Variants in CHIC1 observed in about 807,000 individuals in gnomAD.
The protein encoded by CHIC1 is cysteine-rich hydrophobic domain-containing protein 1.
In CHIC1, 7 loss-of-function variants were observed where a neutral mutation model predicts 18.5. The ratio of observed to expected loss-of-function variants is 0.38; its 90% CI spans 0.22 to 0.71. The LOEUF (loss-of-function observed/expected upper bound fraction) is 0.71. Among genes scored for constraint, CHIC1 ranks in the 30% least tolerant of loss-of-function variants. The pLI is 0.49. For synonymous variants in CHIC1, 77 were observed against 73.5 expected, an observed-to-expected ratio of 1.05 and a Z score of -0.25; for missense variants, 159 against 176.9, an observed-to-expected ratio of 0.90 and a Z score of 0.57.
intron 3 of CHIC1, among the ~76,000 whole-genome samples, chrX:73,668,182 A>G (rs913100721): frequency 9.0e-6 from 1 of 111,597 alleles, no homozygotes; most frequent in Non-Finnish European, 1.9e-5. Flanking sequence ...TCTGTTGTGA[A>G]GTTCTTGTAT....
intron 3 of CHIC1, among the ~76,000 whole-genome samples, chrX:73,636,626 CT>C (rs771575914): frequency 5.5e-5 from 6 of 108,411 alleles, no homozygotes; most frequent in Admixed American, 9.8e-5. Context: ...CTGTTTAGTT[CT>C]TTTTTTTTGT....
At chrX:73,666,235 T>C (rs2058003826) in intron 3 of CHIC1, among the ~76,000 whole-genome samples, 1 of 111,873 alleles carries the variant, frequency 8.9e-6, no homozygotes, top group African/African-American at 3.2e-5. Flanking sequence ...CCAAGAGTCA[T>C]TTAGGAGTAC....
At chrX:73,645,240 ATTTTC>A (rs952167233) in intron 3 of CHIC1, among the ~76,000 whole-genome samples, 5 of 111,941 alleles carry the variant, frequency 4.5e-5, no homozygotes, top group African/African-American at 1.3e-4. Context: ...AAATGATAGA[ATTTTC>A]TTTTCTTAAT....
At chrX:73,627,137 C>CA (rs759306668) in intron 3 of CHIC1, among the ~76,000 whole-genome samples, 11,040 of 56,703 alleles carry the variant, frequency 0.19, 894 homozygotes, top group African/African-American at 0.26. Flanking sequence ...TAAGTTCTCC[C>CA]AAAAAAAAAA....
chrX:73,676,331 C>A (rs2058062752), intron 3 of CHIC1, among the ~76,000 whole-genome samples: 1 of 111,945 alleles, frequency 8.9e-6, no homozygotes, highest in Admixed American at 9.4e-5. Flanking sequence ...GAGTGTTTTC[C>A]AACTTGGATC....
intron 3 of CHIC1, among the ~76,000 whole-genome samples, chrX:73,608,862 G>A (rs759221434): frequency 7.7e-4 from 83 of 107,530 alleles, no homozygotes; most frequent in Non-Finnish European, 2.5e-4. Context: ...AAATTTAGGT[G>A]CGTTTTTGGC....
At position 73,683,243 on chromosome X, in the gene CHIC1, A is replaced by G. The variant is rs2058106421; in HGVS notation, c.*2238A>G. The G allele has an allele frequency of 9.0e-6, 1 of 111,595 alleles. No individual in the cohort carries two copies. Among genetic ancestry groups the G allele is most frequent in the Admixed American group, 9.5e-5 (1 of 10,490 alleles). 9.2% of individuals were successfully genotyped at this position (111,595 alleles called of 1,213,427 possible). ...TGTCAGCATGTGTAAACTTAATTTT[A>G]AAGCCTATTCTAATCACTCGAGTTT... On this transcript the variant is annotated 3_prime_UTR_variant, in exon 6 of 6. Coordinates refer to ENST00000373502, the MANE Select transcript of CHIC1 (RefSeq NM_001039840.4).
rs58497184 is a variant in CHIC1 at position 73,646,545 on chromosome X, T to G, written c.508-32781T>G. On this transcript the variant is annotated intron_variant, in intron 3 of 5. Transcript: ENST00000373502. ...TTTGCAGTTTTCAGGATACAGATCT[T>G]TCACATCCTAAGTGAACTTTAATCC... 6.2e-5 allele frequency among the ~76,000 whole-genome samples: 7 copies of G among 112,578 alleles called. No individual in the cohort carries two copies. The East Asian group carries it at 1.9e-3, about 31-fold the overall frequency.
intron 3 of CHIC1, among the ~76,000 whole-genome samples, chrX:73,657,758 A>G (rs113817318): frequency 0.11 from 11,862 of 109,558 alleles, 497 homozygotes; most frequent in African/African-American, 0.13. Context: ...TAGATTTTTC[A>G]TTTATGGCTC....
intron 3 of CHIC1, among the ~76,000 whole-genome samples, chrX:73,627,881 AC>A (rs1255789548): frequency 9.0e-6 from 1 of 111,727 alleles, no homozygotes; most frequent in African/African-American, 3.3e-5. Flanking sequence ...CCCCACAGCC[AC>A]TGCTGGTAAT....
chrX:73,652,826 C>T (rs1382413491), intron 3 of CHIC1, among the ~76,000 whole-genome samples: 1 of 111,794 alleles, frequency 8.9e-6, no homozygotes, highest in Non-Finnish European at 1.9e-5. Flanking sequence ...TGTGGTGATT[C>T]CTCAAGGACC....
rs373422288 is a variant in CHIC1, at chrX:73,563,594, G to T, written c.296+14G>T. The T allele has an allele frequency of 8.5e-6, 9 of 1,053,770 alleles. No homozygotes were observed. The African/African-American group carries it at 1.2e-4, about 13-fold the overall frequency. 86.8% of individuals were successfully genotyped at this position (1,053,770 alleles called of 1,213,427 possible). The stretch of plus-strand genomic sequence containing the variant: ...CCACATCACTGTGTAAGCGAGAGGG[G>T]GTCTTGGGACTTGAAATGCCTGAGA... On this transcript the variant is annotated intron_variant, in intron 1 of 5. Coordinates refer to ENST00000373502, the MANE Select transcript of CHIC1 (RefSeq NM_001039840.4).
chrX:73,583,966 T>C (rs2057539848), intron 2 of CHIC1, among the ~76,000 whole-genome samples: 1 of 111,309 alleles, frequency 9.0e-6, no homozygotes, highest in Non-Finnish European at 1.9e-5. Context: ...TTGCCTTTTT[T>C]CAAAGTAATC....
intron 3 of CHIC1, among the ~76,000 whole-genome samples, chrX:73,619,302 C>T (rs921544576): frequency 4.5e-5 from 5 of 111,128 alleles, no homozygotes; most frequent in East Asian, 2.8e-4. Flanking sequence ...GAGTGGGAGC[C>T]GCAATTTAGT....
rs1490398740 is a variant in CHIC1, at chrX:73,684,770, A to G, written c.*3765A>G. The G allele has an allele frequency of 5.2e-4, 58 of 111,735 alleles. No homozygotes were observed. Among genetic ancestry groups the G allele is most frequent in the African/African-American group, 1.8e-3 (56 of 30,938 alleles). The allele number at this position is 111,735 out of a possible 1,213,427, so 9.2% of individuals were successfully genotyped here. A position where few individuals can be genotyped will look rare whatever the true frequency, so the allele number is the denominator to read the frequency against. On this transcript the variant is annotated 3_prime_UTR_variant, in exon 6 of 6. Coordinates refer to ENST00000373502, the MANE Select transcript of CHIC1 (RefSeq NM_001039840.4). ...ATTGGGAAATTTTCCATAAAAATGAATAGGTTTTATTAATACCTGTTCATG... is the reference window on the plus strand; with the variant it reads ...ATTGGGAAATTTTCCATAAAAATGAGTAGGTTTTATTAATACCTGTTCATG...
chrX:73,653,745 A>G (rs2057929189), intron 3 of CHIC1, among the ~76,000 whole-genome samples: 1 of 111,682 alleles, frequency 9.0e-6, no homozygotes, highest in African/African-American at 3.2e-5. Context: ...TCTTTCATCA[A>G]TGTTTTATGA....
At chrX:73,674,390 G>A (rs1301086566) in intron 3 of CHIC1, among the ~76,000 whole-genome samples, 43 of 111,719 alleles carry the variant, frequency 3.8e-4, no homozygotes, top group Non-Finnish European at 7.0e-4. Context: ...GTAAGCTATT[G>A]ATTATTGCCT....
intron 3 of CHIC1, among the ~76,000 whole-genome samples, chrX:73,630,045 T>G (rs767708743): frequency 3.5e-4 from 39 of 112,137 alleles, no homozygotes; most frequent in Non-Finnish European, 6.4e-4. Flanking sequence ...GTTTTCTTAA[T>G]TCCTCTTTTG....
intron 3 of CHIC1, among the ~76,000 whole-genome samples, chrX:73,666,848 G>T (rs2058006585): frequency 8.9e-6 from 1 of 111,972 alleles, no homozygotes; most frequent in Admixed American, 9.4e-5. Context: ...GGGGTGGAAA[G>T]TTCTTAGATA....
Sources: gnomAD v4.1 joint callset for allele counts (sites outside exome capture counted in the v4.1 genomes callset) on GRCh38, gnomAD v4.1.1 for gene constraint, MANE v1.5 for transcripts, NCBI Gene and HGNC (gene_info 2026-07-23, HGNC 2026-07-21) for gene names.